Variants in ATP6V1H observed in about 807,000 individuals in gnomAD.
ATP6V1H encodes ATPase H+ transporting V1 subunit H.
ATP6V1H carries 39 observed loss-of-function variants against 71.7 expected under a neutral mutation model. That is an observed-to-expected ratio of 0.54 (90% CI 0.42 to 0.71). The LOEUF is 0.71. Among genes scored for constraint, ATP6V1H ranks in the 30% least tolerant of loss-of-function variants. The pLI, the probability that ATP6V1H is intolerant of heterozygous loss-of-function variation, is 0.00. For synonymous variants in ATP6V1H, 192 were observed against 199.3 expected (o/e 0.96, Z 0.31); for missense variants, 509 against 594.9 (o/e 0.86, Z 1.50).
At chr8:53,762,451 C>A (rs976823081) in intron 11 of ATP6V1H, among the ~76,000 whole-genome samples, 1 of 152,002 alleles carries the variant, frequency 6.6e-6, no homozygotes, top group Non-Finnish European at 1.5e-5. Flanking sequence ...ATCGAAATAC[C>A]CGTCAAACCA....
At chr8:53,801,657 T>G in intron 8 of ATP6V1H, 142 bp downstream of exon 8, 1 of 680,790 alleles carries the variant, frequency 1.5e-6, no homozygotes. Flanking sequence ...GTTACTAACT[T>G]CTAAAAAGCT....
intron 12 of ATP6V1H, among the ~76,000 whole-genome samples, chr8:53,744,088 C>A (rs1807510727): frequency 6.6e-6 from 1 of 152,024 alleles, no homozygotes; most frequent in Admixed American, 6.5e-5. Context: ...CAATCAATAT[C>A]AAGCCCACCA....
In ATP6V1H at chr8:53,829,444, C is replaced by A; in HGVS notation, c.306G>T (p.Gln102His). Residue 102 changes from glutamine (Q) to histidine (H), a missense_variant and splice_region_variant, in exon 4 of 14, where the codon CAG becomes CAT. Gln to His is a conservative substitution (Grantham distance 24). Around this residue, in one of 2 missense-constraint regions of ATP6V1H, gnomAD observed 297 missense variants for 303.3 expected, o/e 0.98. Coordinates refer to ENST00000359530, the MANE Select transcript of ATP6V1H (RefSeq NM_015941.4). ...YILTMVDDML[Q>H]ENHQRVSIFF... ...TGTGTTAAGTAAAGAATATACCTAC[C>A]TGCAGCATATCATCCACCATAGTTA... The A allele has an allele frequency of 6.3e-7, 1 of 1,595,860 alleles. No homozygotes were observed. Among genetic ancestry groups the A allele is most frequent in the South Asian group, 1.1e-5 (1 of 88,870 alleles).
At chr8:53,751,957 T>C (rs1426279020) in intron 12 of ATP6V1H, among the ~76,000 whole-genome samples, 1 of 152,178 alleles carries the variant, frequency 6.6e-6, no homozygotes, top group Non-Finnish European at 1.5e-5. Context: ...TGTGAGCCAC[T>C]GTGCCCGGCC....
At chr8:53,776,177 G>A (rs1426698112) in intron 9 of ATP6V1H, among the ~76,000 whole-genome samples, 6 of 152,222 alleles carry the variant, frequency 3.9e-5, no homozygotes, top group Admixed American at 2.6e-4. Flanking sequence ...CAGCAGGGCC[G>A]GCCGGCTGCT....
chr8:53,801,907 A>G lies in ATP6V1H; in HGVS notation c.580-11T>C, dbSNP rs775010059. On this transcript the variant is annotated splice_polypyrimidine_tract_variant and intron_variant, in intron 7 of 13. Transcript: ENST00000359530. The stretch of plus-strand genomic sequence containing the variant: ...CACATACTGCGAACTCTGCACAAGA[A>G]GAAGTGTTGAGTTTTTAAATGGGAA... The G allele has an allele frequency of 4.4e-6, 7 of 1,609,016 alleles. No individual in the cohort carries two copies. Among genetic ancestry groups the G allele is most frequent in the South Asian group, 2.2e-5 (2 of 89,810 alleles).
At chr8:53,756,359 G>A in intron 12 of ATP6V1H, 196 bp downstream of exon 12, 1 of 378,504 alleles carries the variant, frequency 2.6e-6, no homozygotes, top group Non-Finnish European at 4.7e-6. Context: ...TGGTATTACA[G>A]GCGTGAGCCA....
At position 53,819,585 on chromosome 8, in the gene ATP6V1H, T is replaced by TAA. The variant is rs1554568543; in HGVS notation, c.307-2057_307-2056dup. Among the ~76,000 whole-genome samples the TAA allele has an allele frequency of 2.5e-3, 210 of 83,550 alleles. 16 individuals are homozygous for TAA. Among genetic ancestry groups the TAA allele is most frequent in the East Asian group, 0.02 (34 of 1,712 alleles). 54.8% of individuals were successfully genotyped at this position (83,550 alleles called of 152,430 possible). A position where few individuals can be genotyped will look rare whatever the true frequency, so the allele number is the denominator to read the frequency against. ...ATATATATATATATATATATATATATAAAATACACACACATACACACATTG... is the reference window on the plus strand; with the variant it reads ...ATATATATATATATATATATATATATAAAAAATACACACACATACACACATTG... On this transcript the variant is annotated intron_variant, in intron 4 of 13. Transcript: ENST00000359530.
chr8:53,735,112 G>A (rs998367544), intron 13 of ATP6V1H, among the ~76,000 whole-genome samples: 21 of 152,074 alleles, frequency 1.4e-4, no homozygotes, highest in Admixed American at 6.6e-5. Flanking sequence ...CGTTCTGCCC[G>A]GCATACTAGC....
At chr8:53,726,158 CAACAGTA>C (rs1806804666) in intron 13 of ATP6V1H, among the ~76,000 whole-genome samples, 2 of 152,176 alleles carry the variant, frequency 1.3e-5, no homozygotes, top group African/African-American at 4.8e-5. Context: ...ACACTTTCAA[CAACAGTA>C]AACTGCTGTA....
intron 4 of ATP6V1H, among the ~76,000 whole-genome samples, chr8:53,817,893 G>A (rs1332325052): frequency 6.6e-6 from 1 of 152,002 alleles, no homozygotes; most frequent in East Asian, 1.9e-4. Flanking sequence ...AAATCGGAAA[G>A]GGAGCAGGAA....
At chr8:53,776,401 G>A (rs567191440) in intron 9 of ATP6V1H, among the ~76,000 whole-genome samples, 2 of 152,338 alleles carry the variant, frequency 1.3e-5, no homozygotes, top group Non-Finnish European at 2.9e-5. Context: ...AGGAGCCCAG[G>A]CAGAGGAGGC....
At chr8:53,797,386 G>A (rs1259791180) in intron 8 of ATP6V1H, among the ~76,000 whole-genome samples, 2 of 152,160 alleles carry the variant, frequency 1.3e-5, no homozygotes, top group Non-Finnish European at 2.9e-5. Context: ...AGTTTTTCCA[G>A]CTCTAGCAGA....
chr8:53,737,783 T>C (rs1428749461), intron 13 of ATP6V1H, among the ~76,000 whole-genome samples: 1 of 152,238 alleles, frequency 6.6e-6, no homozygotes, highest in African/African-American at 2.4e-5. Flanking sequence ...GCTGCACAAT[T>C]CTTTTAAAAT....
rs769013732 is a variant in ATP6V1H, at chr8:53,756,217, C to T, written c.1277+338G>A. The T allele has an allele frequency of 4.8e-4, 73 of 152,432 alleles. 1 individual carries two copies. Among genetic ancestry groups the T allele is most frequent in the Non-Finnish European group, 1.0e-3 (71 of 69,970 alleles). 9.4% of individuals were successfully genotyped at this position (152,432 alleles called of 1,614,324 possible). On this transcript the variant is annotated intron_variant, in intron 12 of 13. Coordinates refer to ENST00000359530, the MANE Select transcript of ATP6V1H (RefSeq NM_015941.4). ...TCCTGAGTAGCTGGGACTACAGGCG[C>T]GTGCCACCATGCCCAGTTAATTTTT...
Position 53,829,189 on chromosome 8 carries a change from CA to C in ATP6V1H, c.306+254del, listed in dbSNP as rs1434163252. Among the ~76,000 whole-genome samples, 4 of 152,256 alleles carry C rather than the reference CA, an allele frequency of 2.6e-5. No homozygotes were observed. The East Asian group carries it at 5.8e-4, about 22-fold the overall frequency. On this transcript the variant is annotated intron_variant, in intron 4 of 13. Transcript: ENST00000359530. ...TACAGCAAGCTTTGCTGGCGTTCAA[CA>C]AAAAACTCTGAGGTATCTCAGAAAA...
Position 53,841,729 on chromosome 8 carries a change from C to G in ATP6V1H, c.-35-4G>C, listed in dbSNP as rs1472817744. The G allele has an allele frequency of 6.2e-7, 1 of 1,604,222 alleles. No individual in the cohort carries two copies. On this transcript the variant is annotated splice_polypyrimidine_tract_variant and splice_region_variant and intron_variant, in intron 1 of 13. Coordinates refer to ENST00000359530, the MANE Select transcript of ATP6V1H (RefSeq NM_015941.4). ...TCTTGAATGTCTTTCAACAAATCTT[C>G]AATTTTGATGCAAGGTAAAAACAGA...
Position 53,832,988 on chromosome 8 carries a change from C to T in ATP6V1H, c.212G>A (p.Ser71Asn), listed in dbSNP as rs1177539179. 5.6e-6 allele frequency: 9 copies of T among 1,609,070 alleles called. No individual in the cohort carries two copies. The East Asian group carries it at 1.8e-4, about 32-fold the overall frequency. Residue 71 changes from serine (S) to asparagine (N), a missense_variant, in exon 3 of 14, where the codon AGC (serine) becomes AAC (asparagine). Physicochemically the swap from Ser to Asn is conservative, Grantham distance 46. Transcript: ENST00000359530. ...EKQEMLQTEG[S>N]QCAKTFINLM... ...TATATAATGTTTATTCATCACCTGGCTGCCTTCAGTTTGAAGCATCTCTTG... is the reference window on the plus strand; with the variant it reads ...TATATAATGTTTATTCATCACCTGGTTGCCTTCAGTTTGAAGCATCTCTTG...
intron 13 of ATP6V1H, among the ~76,000 whole-genome samples, chr8:53,738,269 C>A (rs1369690052): frequency 6.7e-6 from 1 of 150,068 alleles, no homozygotes; most frequent in Non-Finnish European, 1.5e-5. Flanking sequence ...TGCATTCCAG[C>A]CCAGGTGACA....
Sources: gnomAD v4.1 joint callset for allele counts (sites outside exome capture counted in the v4.1 genomes callset) on GRCh38, gnomAD v4.1.1 for gene constraint, gnomAD v4.1.1 regional missense constraint, MANE v1.5 for transcripts, NCBI Gene and HGNC (gene_info 2026-07-23, HGNC 2026-07-21) for gene names.